Variants in SYNE1 observed in about 807,000 individuals in gnomAD.
SYNE1 encodes spectrin repeat containing nuclear envelope protein 1.
A neutral mutation model predicts 1,111.0 loss-of-function variants in SYNE1; 616 were observed. The ratio of observed to expected loss-of-function variants is 0.55; its 90% CI spans 0.52 to 0.59. The LOEUF is 0.59. Ranked by LOEUF, SYNE1 falls within the 20% of genes least tolerant of loss-of-function variation. SYNE1 has a pLI of 0.00. For synonymous variants in SYNE1, 3,855 were observed against 3,825.8 expected, an observed-to-expected ratio of 1.01 and a Z score of -0.28; for missense variants, 10,006 against 10,417.0, an observed-to-expected ratio of 0.96 and a Z score of 1.72.
chr6:152,537,808 G>A (rs917007274), intron 4 of SYNE1, among the ~76,000 whole-genome samples: 4 of 152,134 alleles, frequency 2.6e-5, no homozygotes, highest in Admixed American at 2.6e-4. Flanking sequence ...ACAGCTCCCA[G>A]TGCTCCCAAG....
chr6:152,397,157 C>T (rs2097746461), intron 49 of SYNE1, among the ~76,000 whole-genome samples, 177 bp from the exon 50 acceptor site: 1 of 152,138 alleles, frequency 6.6e-6, no homozygotes, highest in Non-Finnish European at 1.5e-5. Context: ...ATGGTGTCAG[C>T]CAGCCACTGG....
Position 152,201,867 on chromosome 6 carries a change from G to A in SYNE1, c.23102C>T (p.Pro7701Leu), listed in dbSNP as rs780201995. The stretch of plus-strand genomic sequence containing the variant: ...TGCATGGAGCTCTTCATGGTGATCC[G>A]GGAGAGACTGCGAAAGCTTCTTTTT... ...TFKKKLSQSL[P>L]DHHEELHAEQ... The change falls in exon 127 of 146, where the codon CCG (proline) becomes CTG (leucine). Residue 7701 changes from proline to leucine, a missense_variant. Physicochemically the swap from Pro to Leu is moderately conservative, Grantham distance 98. Coordinates refer to ENST00000367255, the MANE Select transcript of SYNE1 (RefSeq NM_182961.4). The A allele has an allele frequency of 3.9e-5, 63 of 1,613,768 alleles. No individual in the cohort carries two copies. The highest frequency in any genetic ancestry group is 1.6e-4 in the East Asian group (7 of 44,896).
chr6:152,302,224 G>A, intron 91 of SYNE1, 161 bp from the exon 92 acceptor site: 1 of 928,354 alleles, frequency 1.1e-6, no homozygotes, highest in Non-Finnish European at 1.7e-6. Context: ...TCTCGCTACC[G>A]AGCCAGACCG....
intron 87 of SYNE1, among the ~76,000 whole-genome samples, chr6:152,311,950 A>AT (rs201177649): frequency 6.6e-6 from 1 of 151,646 alleles, no homozygotes; most frequent in Non-Finnish European, 1.5e-5. Flanking sequence ...CGCCTGGCTA[A>AT]TTTTTTGTAT....
chr6:152,355,631 AT>A (rs5880968), intron 66 of SYNE1, among the ~76,000 whole-genome samples: 97,587 of 151,952 alleles, frequency 0.64, 31,610 homozygotes, highest in East Asian at 0.8. Context: ...AGCATATGCT[AT>A]TTTTTATAGG....
At chr6:152,401,413 C>G (rs1296255853) in intron 46 of SYNE1, 72 bp from the exon 47 acceptor site, 5 of 1,457,562 alleles carry the variant, frequency 3.4e-6, no homozygotes, top group Non-Finnish European at 4.8e-6. Flanking sequence ...AAATTCTGTT[C>G]ACGTGCAGCT....
chr6:152,172,420 A>G (rs896278364), intron 130 of SYNE1, among the ~76,000 whole-genome samples: 1 of 152,148 alleles, frequency 6.6e-6, no homozygotes, highest in Non-Finnish European at 1.5e-5. Flanking sequence ...TGCCTTGGTG[A>G]TGGGGATTTA....
intron 2 of SYNE1, among the ~76,000 whole-genome samples, chr6:152,635,697 G>C (rs2099704804): frequency 6.6e-6 from 1 of 152,154 alleles, no homozygotes; most frequent in African/African-American, 2.4e-5. Flanking sequence ...AAATGGATGG[G>C]CATTAAAGAA....
intron 93 of SYNE1, among the ~76,000 whole-genome samples, chr6:152,297,825 G>A (rs768662328): frequency 1.3e-4 from 3 of 22,830 alleles, no homozygotes; most frequent in East Asian, 5.7e-4. Flanking sequence ...GTGTGTGTGC[G>A]CGCGCACGTG....
chr6:152,259,166 T>C (rs1471314463), intron 101 of SYNE1, among the ~76,000 whole-genome samples: 1 of 152,174 alleles, frequency 6.6e-6, no homozygotes, highest in Non-Finnish European at 1.5e-5. Flanking sequence ...AGCATCCCCT[T>C]AAAATCTACT....
At chr6:152,532,521 C>T (rs764678339) in intron 4 of SYNE1, among the ~76,000 whole-genome samples, 2 of 152,130 alleles carry the variant, frequency 1.3e-5, no homozygotes, top group African/African-American at 2.4e-5. Flanking sequence ...ATAGCGCATG[C>T]CACAGTTAAG....
chr6:152,570,614 C>T (rs572038918), intron 3 of SYNE1, among the ~76,000 whole-genome samples: 219 of 152,318 alleles, frequency 1.4e-3, no homozygotes, highest in Non-Finnish European at 2.1e-3. Context: ...TTTAGTCCTT[C>T]ATCCCAACAA....
In SYNE1 at chr6:152,362,165, C is replaced by G. The variant is rs761684683; in HGVS notation, c.10299+5G>C. ...AACACATGGAATCTGAAATCCAGCT[C>G]TCACCTTGGCTTTTCCGAGCATCGT... On this transcript the variant is annotated splice_donor_5th_base_variant and intron_variant, in intron 64 of 145. Coordinates refer to ENST00000367255, the MANE Select transcript of SYNE1 (RefSeq NM_182961.4). 1 of 1,614,096 alleles carries G rather than the reference C, an allele frequency of 6.2e-7. No individual in the cohort carries two copies. Among genetic ancestry groups the G allele is most frequent in the Admixed American group, 1.7e-5 (1 of 60,012 alleles).
chr6:152,302,322 C>G, intron 91 of SYNE1: 1 of 566,532 alleles, frequency 1.8e-6, no homozygotes, highest in Non-Finnish European at 3.2e-6. Context: ...GGGGATGAGG[C>G]CGAATGAGTG....
At chr6:152,232,927 C>T (rs2083116260) in intron 112 of SYNE1, among the ~76,000 whole-genome samples, 1 of 152,170 alleles carries the variant, frequency 6.6e-6, no homozygotes, top group South Asian at 2.1e-4. Context: ...GGTTCCTGCC[C>T]TCTGGGGGCG....
chr6:152,218,375 G>T lies in SYNE1; in HGVS notation c.22073C>A (p.Ala7358Asp). The change falls in exon 121 of 146, where the codon GCC becomes GAC. Residue 7358 changes from alanine to aspartate, a missense_variant. Coordinates refer to ENST00000367255, the MANE Select transcript of SYNE1 (RefSeq NM_182961.4). The stretch of plus-strand genomic sequence containing the variant: ...GGCCTCCAAAGCTTCTAAACTCTTG[G>T]CAAAGGTTTCATAATCAAGAACTCC... Reference protein sequence around the residue: ...QAGVLDYETFAKSLEALEAWI... With the variant: ...QAGVLDYETFDKSLEALEAWI... 1 of 1,613,620 alleles carries T rather than the reference G, an allele frequency of 6.2e-7. No individual in the cohort carries two copies. Among genetic ancestry groups the T allele is most frequent in the Non-Finnish European group, 8.5e-7 (1 of 1,179,908 alleles).
rs79368459 is a variant in SYNE1 at position 152,330,493 on chromosome 6, T to G, written c.14192A>C (p.Asp4731Ala). The G allele has an allele frequency of 1.9e-6, 3 of 1,614,134 alleles. No individual in the cohort carries two copies. The South Asian group carries it at 3.3e-5, about 18-fold the overall frequency. ...ACCTTCTTTTTTCTGGTTCAGTTCA[T>G]CCACCGCCTCCCCAAGGCCCGCCAC... The part of the protein sequence containing the change: ...DEVAGLGEAV[D>A]ELNQKKEGFR... Residue 4731 changes from aspartate (D) to alanine (A), a missense_variant, in exon 78 of 146, where the codon GAT becomes GCT. Physicochemically the swap from Asp to Ala is moderately radical, Grantham distance 126 (BLOSUM62 -2). Around this residue, in one of 7 missense-constraint regions of SYNE1, gnomAD observed 4,955 missense variants for 5,017.2 expected, o/e 0.99. Coordinates refer to ENST00000367255, the MANE Select transcript of SYNE1 (RefSeq NM_182961.4).
intron 108 of SYNE1, among the ~76,000 whole-genome samples, chr6:152,239,023 A>C (rs1422924516): frequency 6.6e-6 from 1 of 151,050 alleles, no homozygotes; most frequent in South Asian, 2.1e-4. Flanking sequence ...TCAGCCTCCC[A>C]AGTAGCTGAG....
chr6:152,145,386 G>A, intron 137 of SYNE1: 1 of 1,151,738 alleles, frequency 8.7e-7, no homozygotes, highest in African/African-American at 1.5e-5. Context: ...GCCTTAACAT[G>A]CTAGAGCCAC....
Sources: gnomAD v4.1 joint callset for allele counts (sites outside exome capture counted in the v4.1 genomes callset) on GRCh38, gnomAD v4.1.1 for gene constraint, gnomAD v4.1.1 regional missense constraint, MANE v1.5 for transcripts, NCBI Gene and HGNC (gene_info 2026-07-23, HGNC 2026-07-21) for gene names.